Variants in AJAP1 observed in about 807,000 individuals in gnomAD.
The protein encoded by AJAP1 is adherens junction-associated protein 1.
AJAP1 carries 5 observed loss-of-function variants against 35.0 expected under a neutral mutation model. The observed-to-expected ratio is 0.14, with a 90% CI of 0.07 to 0.30. AJAP1 has a LOEUF of 0.30. AJAP1 is among the 10% of genes least tolerant of loss of function. The pLI is 1.00. For synonymous variants in AJAP1, 284 were observed against 249.3 expected (o/e 1.14, Z -1.31); for missense variants, 586 against 571.0 (o/e 1.03, Z -0.27).
At position 4,774,834 on chromosome 1, in the gene AJAP1, C is replaced by T. The variant is rs760305217; in HGVS notation, c.*59+276C>T. 1.3e-5 allele frequency among the ~76,000 whole-genome samples: 2 copies of T among 152,106 alleles called. 1 individual carries two copies. The highest frequency in any genetic ancestry group is 2.9e-5 in the Non-Finnish European group (2 of 68,024). On this transcript the variant is annotated intron_variant, in intron 5 of 5. Coordinates refer to ENST00000378191, the MANE Select transcript of AJAP1 (RefSeq NM_018836.4). ...CCTCACTATTCTTATCAGTGCCACT[C>T]CTTCCCTCAGGAAGGCCACCACATG...
intron 2 of AJAP1, among the ~76,000 whole-genome samples, chr1:4,768,292 G>A (rs76550808): frequency 0.012 from 1,771 of 151,938 alleles, 16 homozygotes; most frequent in Non-Finnish European, 0.019. Flanking sequence ...GGAGAGACTC[G>A]CCATGCTCAT....
At chr1:4,665,894 A>C (rs1457180237) in intron 1 of AJAP1, among the ~76,000 whole-genome samples, 1 of 152,224 alleles carries the variant, frequency 6.6e-6, no homozygotes, top group Non-Finnish European at 1.5e-5. Flanking sequence ...GGAGATGGGG[A>C]AGGTTTCCCA....
At chr1:4,777,476 G>A (rs941441706) in intron 5 of AJAP1, 2 of 152,180 alleles carry the variant, frequency 1.3e-5, no homozygotes, top group Admixed American at 6.5e-5. Flanking sequence ...ATTCCAACAC[G>A]TTCTGGCCTC....
intron 2 of AJAP1, among the ~76,000 whole-genome samples, chr1:4,738,240 G>A (rs61765059): frequency 6.6e-6 from 1 of 152,250 alleles, no homozygotes; most frequent in Non-Finnish European, 1.5e-5. Context: ...CAGGGGCCCT[G>A]CTCTCATGGG....
rs780797040 is a variant in AJAP1 at position 4,655,448 on chromosome 1, G to A, written c.23G>A (p.Gly8Glu). The change falls in exon 1 of 6, where the codon GGA becomes GAA. Residue 8 changes from glycine (G) to glutamate (E), a missense_variant. By Grantham distance (98) the Gly-to-Glu change is moderately conservative. Transcript: ENST00000378191. This position sits in a 1 kb window ranked among gnomAD's most constrained non-coding sequence, Gnocchi z 6.9. ...ACCATGTGGATTCAACAGCTTTTAGGACTCAGGTGAGCGACCCGGCCGGCG... is the reference window on the plus strand; with the variant it reads ...ACCATGTGGATTCAACAGCTTTTAGAACTCAGGTGAGCGACCCGGCCGGCG... Reference protein sequence around the residue: MWIQQLLGLSSMSIRWPG... With the variant: MWIQQLLELSSMSIRWPG... 3.2e-6 allele frequency: 5 copies of A among 1,570,156 alleles called. No individual in the cohort carries two copies. Among genetic ancestry groups the A allele is most frequent in the African/African-American group, 2.8e-5 (2 of 71,442 alleles).
At chr1:4,776,345 C>T (rs1641939677) in intron 5 of AJAP1, among the ~76,000 whole-genome samples, 1 of 152,106 alleles carries the variant, frequency 6.6e-6, no homozygotes. Flanking sequence ...CTGCCCAGTC[C>T]TCCCAGCAAT....
chr1:4,699,581 G>T (rs923340026), intron 1 of AJAP1, among the ~76,000 whole-genome samples: 1 of 152,158 alleles, frequency 6.6e-6, no homozygotes, highest in East Asian at 1.9e-4. Flanking sequence ...GAAACAGTGT[G>T]GGTGATCTGT....
chr1:4,702,946 T>C (rs1254106266), intron 1 of AJAP1, among the ~76,000 whole-genome samples: 1 of 152,158 alleles, frequency 6.6e-6, no homozygotes, highest in East Asian at 1.9e-4. Flanking sequence ...GATTCCGCGA[T>C]GGGATTCAGA....
At chr1:4,759,704 G>A (rs559366892) in intron 2 of AJAP1, among the ~76,000 whole-genome samples, 210 of 152,342 alleles carry the variant, frequency 1.4e-3, no homozygotes, top group African/African-American at 4.8e-3. Context: ...CAAGAGCGAG[G>A]TGCAGGCAGG....
intron 5 of AJAP1, among the ~76,000 whole-genome samples, chr1:4,775,148 C>T (rs1227652280): frequency 1.3e-5 from 2 of 152,208 alleles, no homozygotes; most frequent in Non-Finnish European, 2.9e-5. Context: ...CCACGCTCTG[C>T]TGGATGGGAA....
rs1043954362 is a variant in AJAP1, at chr1:4,777,053, G to A, written c.*59+2495G>A. 2.0e-5 allele frequency among the ~76,000 whole-genome samples: 3 copies of A among 152,202 alleles called. 1 individual carries two copies. The highest frequency in any genetic ancestry group is 4.4e-5 in the Non-Finnish European group (3 of 68,044). On this transcript the variant is annotated intron_variant, in intron 5 of 5. Coordinates refer to ENST00000378191, the MANE Select transcript of AJAP1 (RefSeq NM_018836.4). ...CTTATAAGATTCTGTTGCCGATTGC[G>A]GGACAGACCGTTTACCACTCACTAG...
At position 4,790,645 on chromosome 1, in the gene AJAP1, G is replaced by A. The variant is rs1642233765; in HGVS notation, c.*8160G>A. On this transcript the variant is annotated 3_prime_UTR_variant, in exon 6 of 6. Coordinates refer to ENST00000378191, the MANE Select transcript of AJAP1 (RefSeq NM_018836.4). ...TGCGTTGCTTCCTCTGAAGCCAGAG[G>A]GTGAAAGGCCCTAGCAAAGTTAGTT... The A allele has an allele frequency of 6.6e-6, 1 of 152,214 alleles. No homozygotes were observed. Among genetic ancestry groups the A allele is most frequent in the Admixed American group, 6.5e-5 (1 of 15,286 alleles). 9.4% of individuals were successfully genotyped at this position (152,214 alleles called of 1,614,324 possible). A position where few individuals can be genotyped will look rare whatever the true frequency, so the allele number is the denominator to read the frequency against.
At chr1:4,772,106 A>G (rs938486163) in intron 3 of AJAP1, among the ~76,000 whole-genome samples, 174 bp from the exon 4 acceptor site, 10 of 150,984 alleles carry the variant, frequency 6.6e-5, no homozygotes, top group African/African-American at 2.4e-4. Flanking sequence ...AAAAAAAAAG[A>G]GTTGATTGCT....
intron 1 of AJAP1, among the ~76,000 whole-genome samples, chr1:4,675,382 A>T (rs557405066): frequency 6.6e-6 from 1 of 152,368 alleles, no homozygotes; most frequent in African/African-American, 2.4e-5. Flanking sequence ...GTTTCCGGCC[A>T]TCCTCTCCCA....
chr1:4,770,792 G>A (rs1047976313), intron 3 of AJAP1, among the ~76,000 whole-genome samples: 21 of 152,166 alleles, frequency 1.4e-4, no homozygotes, highest in African/African-American at 4.1e-4. Context: ...ATCAGAGGAG[G>A]TGGGACTTCT....
chr1:4,679,808 G>GGGGTGT (rs71580281), intron 1 of AJAP1, among the ~76,000 whole-genome samples: 40 of 142,422 alleles, frequency 2.8e-4, no homozygotes, highest in African/African-American at 5.0e-4. Flanking sequence ...GAACCAATAG[G>GGGGTGT]GTGTGTGTGT....
intron 1 of AJAP1, among the ~76,000 whole-genome samples, chr1:4,660,615 C>T (rs1288695106): frequency 6.6e-6 from 1 of 152,054 alleles, no homozygotes; most frequent in Non-Finnish European, 1.5e-5. Context: ...ACTGATCTGA[C>T]TGGCAAGCAT....
chr1:4,779,438 G>A (rs1020131797), intron 5 of AJAP1, among the ~76,000 whole-genome samples: 22 of 151,580 alleles, frequency 1.5e-4, no homozygotes, highest in Non-Finnish European at 2.5e-4. Flanking sequence ...ACCTTCACAC[G>A]GGAGACTTTC....
At chr1:4,707,862 A>G (rs1640132883) in intron 1 of AJAP1, among the ~76,000 whole-genome samples, 1 of 151,276 alleles carries the variant, frequency 6.6e-6, no homozygotes, top group African/African-American at 2.4e-5. Flanking sequence ...ATTCCCACCA[A>G]CAGCATACTA....
Sources: allele counts gnomAD v4.1 joint callset (sites outside exome capture counted in the v4.1 genomes callset), GRCh38; gene constraint gnomAD v4.1.1; non-coding constraint Gnocchi (gnomAD v3.1); transcripts MANE v1.5; gene names NCBI Gene and HGNC (gene_info 2026-07-23, HGNC 2026-07-21).